Variants in MICAL3 observed in about 807,000 individuals in gnomAD.
MICAL3 encodes the protein [F-actin]-monooxygenase MICAL3.
MICAL3 carries 62 observed loss-of-function variants against 207.4 expected under a neutral mutation model. The observed-to-expected ratio is 0.30, with a 90% confidence interval of 0.24 to 0.37. MICAL3 has a LOEUF of 0.37. Among genes scored for constraint, MICAL3 ranks in the 10% least tolerant of loss-of-function variants. The pLI, the probability that MICAL3 is intolerant of heterozygous loss-of-function variation, is 1.00. For synonymous variants in MICAL3, 1,077 were observed against 1,069.3 expected, an observed-to-expected ratio of 1.01 and a Z score of -0.14; for missense variants, 2,368 against 2,635.6, an observed-to-expected ratio of 0.90 and a Z score of 2.22.
intron 1 of MICAL3, among the ~76,000 whole-genome samples, chr22:17,937,266 A>C (rs1339221162): frequency 6.6e-6 from 1 of 152,226 alleles, no homozygotes; most frequent in Non-Finnish European, 1.5e-5. Context: ...GTTCTACCAC[A>C]GGTCCTTCTG....
chr22:17,889,288 C>A, intron 12 of MICAL3, 58 bp from the exon 13 acceptor site: 1 of 1,307,128 alleles, frequency 7.7e-7, no homozygotes, highest in Non-Finnish European at 1.1e-6. Context: ...TAAACAGAAA[C>A]GCAGTATCCT....
At chr22:17,895,505 T>C in intron 9 of MICAL3, 95 bp from the exon 10 acceptor site, 1 of 1,364,432 alleles carries the variant, frequency 7.3e-7, no homozygotes, top group Non-Finnish European at 1.0e-6. Context: ...GCAAGTCACC[T>C]GACATGCCTG....
At chr22:17,939,675 AAC>A (rs915403973) in intron 1 of MICAL3, among the ~76,000 whole-genome samples, 24 of 152,308 alleles carry the variant, frequency 1.6e-4, no homozygotes, top group African/African-American at 5.8e-4. Context: ...GAGCTAGACA[AAC>A]ACTTTTTTCC....
In MICAL3 at chr22:17,900,182, G is replaced by C. The variant is rs1490988821; in HGVS notation, c.848-634C>G. On this transcript the variant is annotated intron_variant, in intron 6 of 31. Coordinates refer to ENST00000441493, the MANE Select transcript of MICAL3 (RefSeq NM_015241.3). The surrounding 1 kb of genome is among the most constrained non-coding windows in gnomAD (Gnocchi z 4.0). ...TACATACTTAAAAGGCCTAAAGTCAGCTTCCCAAGCAAACCAGGGAGCCAC... is the reference window on the plus strand; with the variant it reads ...TACATACTTAAAAGGCCTAAAGTCACCTTCCCAAGCAAACCAGGGAGCCAC... Among the ~76,000 whole-genome samples the C allele has an allele frequency of 6.6e-6, 1 of 152,228 alleles. No individual in the cohort carries two copies. Among genetic ancestry groups the C allele is most frequent in the African/African-American group, 2.4e-5 (1 of 41,450 alleles).
At chr22:17,957,561 A>T (rs1336717305) in intron 1 of MICAL3, among the ~76,000 whole-genome samples, 1 of 151,956 alleles carries the variant, frequency 6.6e-6, no homozygotes, top group Non-Finnish European at 1.5e-5. Context: ...AATACAAAAC[A>T]TTAGCTGGGC....
intron 1 of MICAL3, among the ~76,000 whole-genome samples, chr22:17,962,708 C>G (rs558816489): frequency 0.2 from 30,271 of 151,904 alleles, 3,160 homozygotes; most frequent in Middle Eastern, 0.27. Context: ...TTTCCAAGGA[C>G]CCTTTGAACA....
rs1921200652 is a variant in MICAL3 at position 17,818,190 on chromosome 22, G to A, written c.4471C>T (p.Pro1491Ser). The A allele has an allele frequency of 3.8e-6, 6 of 1,565,542 alleles. No individual in the cohort carries two copies. The highest frequency in any genetic ancestry group is 4.3e-6 in the Non-Finnish European group (5 of 1,161,496). ...CGGGGGGGCCGCATCCAGGTGGCGG[G>A]CAAGGGCGGCGGGACCACCGAGGCA... ...PNASVVPPPL[P>S]ATWMRPPREP... Residue 1491 changes from proline (P) to serine (S), a missense_variant, in exon 26 of 32, where the codon CCC (proline) becomes TCC (serine). Coordinates refer to ENST00000441493, the MANE Select transcript of MICAL3 (RefSeq NM_015241.3).
At chr22:17,832,972 C>G (rs1347139494) in intron 20 of MICAL3, among the ~76,000 whole-genome samples, 2 of 152,200 alleles carry the variant, frequency 1.3e-5, no homozygotes. Flanking sequence ...AAACCTCCAA[C>G]CCCAGGGCCA....
intron 22 of MICAL3, among the ~76,000 whole-genome samples, chr22:17,826,903 G>A (rs964916133): frequency 2.6e-5 from 4 of 152,204 alleles, no homozygotes; most frequent in Non-Finnish European, 4.4e-5. Context: ...ATGATGGCAG[G>A]AAATGCCCCT....
In MICAL3 at chr22:17,827,699, A is replaced by G. The variant is rs1486460798; in HGVS notation, c.3138T>C (p.Arg1046=). ...CCATCCTCTCTTCCTCCTCTCTCTCACGGATATGAGTCCAGTGCACGTCAG... is the reference window on the plus strand; with the variant it reads ...CCATCCTCTCTTCCTCCTCTCTCTCGCGGATATGAGTCCAGTGCACGTCAG... ...IQADVHWTHI[R]EREEEERMAP... is the part of the protein sequence containing the mutation. Residue 1046 remains arginine (R), a synonymous_variant, in exon 22 of 32, where the codon CGT becomes CGC. Transcript: ENST00000441493. The G allele has an allele frequency of 3.8e-6, 6 of 1,581,936 alleles. No homozygotes were observed. Among genetic ancestry groups the G allele is most frequent in the Non-Finnish European group, 4.3e-6 (5 of 1,164,170 alleles).
intron 19 of MICAL3, among the ~76,000 whole-genome samples, chr22:17,848,483 C>T (rs1022031040): frequency 7.9e-5 from 12 of 152,188 alleles, no homozygotes; most frequent in African/African-American, 2.9e-4. Context: ...GCAGAGGGAC[C>T]CCACTGCCTT....
rs918044758 is a variant in MICAL3, at chr22:17,978,121, A to G, written c.-75+46160T>C. ...ATTCATAGCAATATTCCAAATAGTC[A>G]AAAAGTGGAAATAACTCAAATGCCT... On this transcript the variant is annotated intron_variant, in intron 1 of 31. Coordinates refer to ENST00000441493, the MANE Select transcript of MICAL3 (RefSeq NM_015241.3). 2.0e-5 allele frequency among the ~76,000 whole-genome samples: 3 copies of G among 152,224 alleles called. No homozygotes were observed. In the South Asian group the frequency reaches 6.2e-4, roughly 31 times the overall value.
chr22:17,888,872 A>G (rs1216786823), intron 13 of MICAL3, among the ~76,000 whole-genome samples, 162 bp downstream of exon 13: 2 of 152,228 alleles, frequency 1.3e-5, no homozygotes, highest in African/African-American at 4.8e-5. Context: ...AGGGAGAAAC[A>G]ATGAAGCAAA....
chr22:17,925,210 C>A (rs1376128126), intron 1 of MICAL3, among the ~76,000 whole-genome samples: 1 of 152,178 alleles, frequency 6.6e-6, no homozygotes, highest in African/African-American at 2.4e-5. Context: ...TACCAAGTTC[C>A]TGACATCAGG....
Position 17,818,720 on chromosome 22 carries a change from A to G in MICAL3, c.3941T>C (p.Val1314Ala). ...TKDRLGSPLA[V>A]DEALRRSDLV... The stretch of plus-strand genomic sequence containing the variant: ...GTCGCTCCGTCTGAGGGCCTCATCC[A>G]CAGCAAGGGGGCTGCCCAGTCTGTC... The change falls in exon 26 of 32, where the codon GTG (valine) becomes GCG (alanine). Residue 1314 changes from valine (V) to alanine (A), a missense_variant. Physicochemically the swap from Val to Ala is moderately conservative, Grantham distance 64. Coordinates refer to ENST00000441493, the MANE Select transcript of MICAL3 (RefSeq NM_015241.3). 3 of 1,612,412 alleles carry G rather than the reference A, an allele frequency of 1.9e-6. No homozygotes were observed. Among genetic ancestry groups the G allele is most frequent in the Non-Finnish European group, 2.5e-6 (3 of 1,178,950 alleles).
chr22:17,821,644 A>C (rs753081132), intron 24 of MICAL3, 135 bp from the exon 25 acceptor site: 2 of 731,126 alleles, frequency 2.7e-6, no homozygotes, highest in African/African-American at 3.7e-5. Flanking sequence ...GTTCTCCTGG[A>C]AAGCACAGGT....
At chr22:17,821,545 G>A in intron 24 of MICAL3, 36 bp from the exon 25 acceptor site, 1 of 1,510,700 alleles carries the variant, frequency 6.6e-7, no homozygotes, top group Non-Finnish European at 8.9e-7. Context: ...ACAAGAGGAA[G>A]CCCCCCCATG....
chr22:17,969,475 T>C (rs1935304714), intron 1 of MICAL3, among the ~76,000 whole-genome samples: 1 of 152,248 alleles, frequency 6.6e-6, no homozygotes, highest in Non-Finnish European at 1.5e-5. Flanking sequence ...ACAGTGTCCA[T>C]CTGGAGATTA....
chr22:17,842,696 T>A (rs1251124617), intron 19 of MICAL3, among the ~76,000 whole-genome samples: 1 of 152,248 alleles, frequency 6.6e-6, no homozygotes, highest in African/African-American at 2.4e-5. Flanking sequence ...CACTTCCCCA[T>A]CAGTCCTCCG....
Sources: gnomAD v4.1 joint callset for allele counts (sites outside exome capture counted in the v4.1 genomes callset) on GRCh38, gnomAD v4.1.1 for gene constraint, Gnocchi (gnomAD v3.1) non-coding constraint, MANE v1.5 for transcripts, NCBI Gene and HGNC (gene_info 2026-07-23, HGNC 2026-07-21) for gene names.